Variants in FAT4 observed in about 807,000 individuals in gnomAD.
The protein encoded by FAT4 is protocadherin Fat 4.
Under a neutral mutation model 303.9 loss-of-function variants are expected in FAT4, and 84 were observed. That is an observed-to-expected ratio of 0.28 (90% CI 0.23 to 0.33). The LOEUF (loss-of-function observed/expected upper bound fraction) is 0.33, where lower values mean the gene tolerates loss of function less well. Among genes scored for constraint, FAT4 ranks in the 10% least tolerant of loss-of-function variants. The pLI is 1.00. For synonymous variants in FAT4, 2,307 were observed against 2,298.8 expected, an observed-to-expected ratio of 1.00 and a Z score of -0.10; for missense variants, 6,005 against 6,146.8, an observed-to-expected ratio of 0.98 and a Z score of 0.77.
intron 10 of FAT4, among the ~76,000 whole-genome samples, chr4:125,455,095 A>T (rs1726232029): frequency 6.6e-6 from 1 of 152,178 alleles, no homozygotes; most frequent in Admixed American, 6.5e-5. Flanking sequence ...TTTCTTACCC[A>T]TCCCCAAAAT....
At position 125,318,774 on chromosome 4, in the gene FAT4, A is replaced by G. The variant is rs376577531; in HGVS notation, c.2363A>G (p.Asp788Gly). 3 of 1,614,050 alleles carry G rather than the reference A, an allele frequency of 1.9e-6. No individual in the cohort carries two copies. The highest frequency in any genetic ancestry group is 2.5e-6 in the Non-Finnish European group (3 of 1,180,026). ...IVTITVLDTQ[D>G]NPPVFSQVAY... ...ACCATCACTGTATTGGACACTCAAG[A>G]CAACCCACCTGTATTCAGTCAGGTT... is the stretch of plus-strand genomic sequence containing the variant. Residue 788 changes from aspartate to glycine, a missense_variant, in exon 2 of 18, where the codon GAC (aspartate) becomes GGC (glycine). By Grantham distance (94) the Asp-to-Gly change is moderately conservative (BLOSUM62 -1). Transcript: ENST00000394329.
At position 125,398,866 on chromosome 4, in the gene FAT4, T is replaced by C. The variant is rs1734279160; in HGVS notation, c.5258T>C (p.Ile1753Thr). The C allele has an allele frequency of 6.2e-7, 1 of 1,613,200 alleles. No individual in the cohort carries two copies. The highest frequency in any genetic ancestry group is 8.5e-7 in the Non-Finnish European group (1 of 1,179,340). ...DMLDLTVEENIGDGSKIMQLT... is the reference protein window; with the variant it reads ...DMLDLTVEENTGDGSKIMQLT... ...CTGGATCTCACGGTAGAGGAGAACATTGGAGATGGCTCTAAGATTATGCAG... is the reference window on the plus strand; with the variant it reads ...CTGGATCTCACGGTAGAGGAGAACACTGGAGATGGCTCTAAGATTATGCAG... Residue 1753 changes from isoleucine (I) to threonine (T), a missense_variant, in exon 3 of 18, where the codon ATT becomes ACT. Coordinates refer to ENST00000394329, the MANE Select transcript of FAT4 (RefSeq NM_001291303.3).
chr4:125,352,168 T>A lies in FAT4; in HGVS notation c.5175+30582T>A, dbSNP rs187645490. Among the ~76,000 whole-genome samples, 5 of 151,838 alleles carry A rather than the reference T, an allele frequency of 3.3e-5. No individual in the cohort carries two copies. The East Asian group carries it at 9.7e-4, about 29-fold the overall frequency. ...AGAATACTACTTATGAAGACTATTA[T>A]ACATTGAAGTTCTGTGCTTAAATAG... On this transcript the variant is annotated intron_variant, in intron 2 of 17. Coordinates refer to ENST00000394329, the MANE Select transcript of FAT4 (RefSeq NM_001291303.3).
rs755497002 is a variant in FAT4 at position 125,406,971 on chromosome 4, G to T, written c.5399G>T (p.Arg1800Met). 1 of 1,613,888 alleles carries T rather than the reference G, an allele frequency of 6.2e-7. No homozygotes were observed. The highest frequency in any genetic ancestry group is 1.7e-5 in the Admixed American group (1 of 59,972). The change falls in exon 4 of 18, where the codon AGG becomes ATG. Residue 1800 changes from arginine (R) to methionine (M), a missense_variant. Transcript: ENST00000394329. ...DPESGDLIAT[R>M]RLDRERRSKY... ...GAATCCGGAGATCTGATAGCAACCA[G>T]GCGGTTGGACAGGGAACGCCGCTCC...
At chr4:125,417,792 A>G (rs767334435) in intron 7 of FAT4, among the ~76,000 whole-genome samples, 5 of 152,164 alleles carry the variant, frequency 3.3e-5, no homozygotes, top group African/African-American at 4.8e-5. Flanking sequence ...ACAGCTCTCT[A>G]TGGGCACTGT....
At chr4:125,411,194 A>T (rs562928077) in intron 5 of FAT4, among the ~76,000 whole-genome samples, 12 of 152,184 alleles carry the variant, frequency 7.9e-5, no homozygotes, top group Admixed American at 5.2e-4. Context: ...ACAATCTGTT[A>T]TCTGTCTATG....
At chr4:125,419,595 C>T (rs1434359653) in intron 7 of FAT4, among the ~76,000 whole-genome samples, 2 of 152,094 alleles carry the variant, frequency 1.3e-5, no homozygotes, top group Non-Finnish European at 2.9e-5. Context: ...GCATAGACAG[C>T]ATGCAGTGAT....
chr4:125,444,308 G>GAAGGGCAA (rs1725755379), intron 8 of FAT4, among the ~76,000 whole-genome samples: 1 of 152,092 alleles, frequency 6.6e-6, no homozygotes, highest in African/African-American at 2.4e-5. Flanking sequence ...CAGAAGGGCA[G>GAAGGGCAA]AAGGCATCAC....
At chr4:125,354,436 T>A (rs1368648042) in intron 2 of FAT4, among the ~76,000 whole-genome samples, 1 of 151,772 alleles carries the variant, frequency 6.6e-6, no homozygotes, top group East Asian at 1.9e-4. Flanking sequence ...TTTATTGTGC[T>A]TACTCAAAAA....
chr4:125,451,656 A>G lies in FAT4; in HGVS notation c.10646A>G (p.Tyr3549Cys), dbSNP rs1307002462. The G allele has an allele frequency of 6.2e-7, 1 of 1,614,076 alleles. No individual in the cohort carries two copies. The highest frequency in any genetic ancestry group is 8.5e-7 in the Non-Finnish European group (1 of 1,179,992). Residue 3549 changes from tyrosine (Y) to cysteine (C), a missense_variant, in exon 10 of 18, where the codon TAC becomes TGC. Tyr to Cys is a radical substitution (Grantham distance 194, BLOSUM62 -2). Transcript: ENST00000394329. ...LPPNQGPFTYYLLSTGPATSY... is the reference protein window; with the variant it reads ...LPPNQGPFTYCLLSTGPATSY... ...CCAAATCAAGGTCCCTTTACTTATT[A>G]CTTGCTGAGCACAGGTCCTGCCACC...
chr4:125,431,953 A>C (rs1469377022), intron 7 of FAT4, among the ~76,000 whole-genome samples: 1 of 152,166 alleles, frequency 6.6e-6, no homozygotes, highest in Non-Finnish European at 1.5e-5. Context: ...ACATTCAAGA[A>C]ATTTAAGCCA....
intron 10 of FAT4, among the ~76,000 whole-genome samples, chr4:125,459,242 T>C (rs1293553241): frequency 6.6e-6 from 1 of 152,050 alleles, no homozygotes; most frequent in Non-Finnish European, 1.5e-5. Flanking sequence ...AATTTAGCAG[T>C]TGAGAATAAA....
chr4:125,353,226 A>G (rs1207255955), intron 2 of FAT4, among the ~76,000 whole-genome samples: 1 of 151,716 alleles, frequency 6.6e-6, no homozygotes, highest in East Asian at 1.9e-4. Flanking sequence ...GTTTTATAAT[A>G]ATTTGAAAAT....
At position 125,487,362 on chromosome 4, in the gene FAT4, A is replaced by G. The variant is rs1379233634; in HGVS notation, c.12840A>G (p.Val4280=). The G allele has an allele frequency of 5.0e-6, 8 of 1,613,128 alleles. No homozygotes were observed. The highest frequency in any genetic ancestry group is 6.8e-6 in the Non-Finnish European group (8 of 1,179,280). Residue 4280 remains valine (V), a synonymous_variant, in exon 17 of 18, where the codon GTA becomes GTG. Transcript: ENST00000394329. ...TTTTACAGATTAAGAATGGCAAAGT[A>G]TATTTTACATCCGATGCAGGAATTG... ...YTTVKIKNGK[V]YFTSDAGIAG...
At chr4:125,447,697 T>C (rs952780144) in intron 9 of FAT4, among the ~76,000 whole-genome samples, 3 of 152,128 alleles carry the variant, frequency 2.0e-5, no homozygotes, top group Non-Finnish European at 4.4e-5. Context: ...TCTGAATGAG[T>C]AGATTGAAAA....
chr4:125,321,513 G>A lies in FAT4; in HGVS notation c.5102G>A (p.Gly1701Glu). 3 of 1,614,084 alleles carry A rather than the reference G, an allele frequency of 1.9e-6. No homozygotes were observed. Among genetic ancestry groups the A allele is most frequent in the Non-Finnish European group, 2.5e-6 (3 of 1,179,974 alleles). ...GCAGCCATTCTGGACCGGGAGCAAGGAGCATGTCTTTACCTGGTGGATGTT... is the reference window on the plus strand; with the variant it reads ...GCAGCCATTCTGGACCGGGAGCAAGAAGCATGTCTTTACCTGGTGGATGTT... ...QTAAILDREQ[G>E]ACLYLVDVYA... is the part of the protein sequence containing the mutation. Residue 1701 changes from glycine to glutamate, a missense_variant, in exon 2 of 18, where the codon GGA becomes GAA. Gly to Glu is a moderately conservative substitution (Grantham distance 98). Transcript: ENST00000394329.
intron 2 of FAT4, among the ~76,000 whole-genome samples, chr4:125,343,269 G>C (rs1731866509): frequency 6.6e-6 from 1 of 152,224 alleles, no homozygotes; most frequent in South Asian, 2.1e-4. Context: ...AAGCAAGTCA[G>C]TGTATTAACC....
chr4:125,462,348 T>A (rs1726512532), intron 10 of FAT4, among the ~76,000 whole-genome samples: 3 of 151,970 alleles, frequency 2.0e-5, no homozygotes, highest in Admixed American at 2.0e-4. Context: ...TCCTGAGCTA[T>A]CTAATAAATG....
chr4:125,345,519 G>T (rs920748810), intron 2 of FAT4, among the ~76,000 whole-genome samples: 4 of 150,344 alleles, frequency 2.7e-5, no homozygotes, highest in Non-Finnish European at 1.5e-5. Context: ...CTGCAATTTT[G>T]TTGATGTTGT....
Sources: gnomAD v4.1 joint callset for allele counts (sites outside exome capture counted in the v4.1 genomes callset) on GRCh38, gnomAD v4.1.1 for gene constraint, MANE v1.5 for transcripts, NCBI Gene and HGNC (gene_info 2026-07-23, HGNC 2026-07-21) for gene names.